LAX1: variants seen among roughly 807,000 people sequenced by gnomAD.
The protein encoded by LAX1 is lymphocyte transmembrane adapter 1.
LAX1 carries 17 observed loss-of-function variants against 20.7 expected under a neutral mutation model. The observed-to-expected ratio is 0.82, with a 90% CI of 0.56 to 1.23. The LOEUF is 1.23. Ranked by LOEUF, LAX1 falls within the 50% of genes most tolerant of loss-of-function variation. The pLI, the probability that LAX1 is intolerant of heterozygous loss-of-function variation, is 0.00. For missense variants in LAX1, 470 were observed against 487.0 expected (o/e 0.97, Z 0.33); for synonymous variants, 165 against 181.0 (o/e 0.91, Z 0.71).
chr1:203,767,605 G>A (rs532182878), intron 1 of LAX1, among the ~76,000 whole-genome samples: 14 of 152,036 alleles, frequency 9.2e-5, no homozygotes, highest in African/African-American at 2.2e-4. Context: ...ACCATGCCCC[G>A]CCTTGGTAGT....
chr1:203,767,867 T>C (rs779364126), intron 1 of LAX1, among the ~76,000 whole-genome samples: 2 of 152,092 alleles, frequency 1.3e-5, no homozygotes, highest in Non-Finnish European at 2.9e-5. Flanking sequence ...GGCTCATGCC[T>C]ATAATCCAAG....
At chr1:203,773,031 C>A (rs1274987149) in intron 4 of LAX1, among the ~76,000 whole-genome samples, 1 of 152,166 alleles carries the variant, frequency 6.6e-6, no homozygotes, top group Non-Finnish European at 1.5e-5. Context: ...AATGTTGCTC[C>A]TTTCAAAGTG....
chr1:203,769,396 A>AG (rs1667358154), intron 1 of LAX1, among the ~76,000 whole-genome samples: 4 of 129,820 alleles, frequency 3.1e-5, no homozygotes, highest in East Asian at 2.2e-4. Flanking sequence ...TGTCTCAAAA[A>AG]AAAAGAAAGA....
At chr1:203,767,950 C>A (rs758634051) in intron 1 of LAX1, among the ~76,000 whole-genome samples, 1 of 148,316 alleles carries the variant, frequency 6.7e-6, no homozygotes, top group Non-Finnish European at 1.5e-5. Flanking sequence ...CACATGGAGA[C>A]CCTGTCTCAA....
Position 203,773,900 on chromosome 1 carries a change from A to G in LAX1, c.416A>G (p.Gln139Arg), listed in dbSNP as rs767369698. The change falls in exon 5 of 5, where the codon CAG (glutamine) becomes CGG (arginine). Residue 139 changes from glutamine to arginine, a missense_variant. Physicochemically the swap from Gln to Arg is conservative, Grantham distance 43 (BLOSUM62 1). Transcript: ENST00000442561. ...CCCTCCCAAGCAGGCAATGCCTTCC[A>G]GGAGCATACAGCCCACATCCATGCC... Reference protein sequence around the residue: ...HVPSQAGNAFQEHTAHIHATE... With the variant: ...HVPSQAGNAFREHTAHIHATE... The G allele has an allele frequency of 3.7e-6, 6 of 1,612,540 alleles. No homozygotes were observed. The highest frequency in any genetic ancestry group is 3.3e-5 in the South Asian group (3 of 90,968).
chr1:203,771,432 G>A lies in LAX1; in HGVS notation c.265G>A (p.Ala89Thr). 1.9e-6 allele frequency: 3 copies of A among 1,613,880 alleles called. No homozygotes were observed. Among genetic ancestry groups the A allele is most frequent in the Non-Finnish European group, 1.7e-6 (2 of 1,179,780 alleles). ...GACTTTGCCACAAACCAGACAAAGAGCCAAAAATATTTATGACATCTTGCC... is the reference window on the plus strand; with the variant it reads ...GACTTTGCCACAAACCAGACAAAGAACCAAAAATATTTATGACATCTTGCC... The part of the protein sequence containing the change: ...LLTLPQTRQR[A>T]KNIYDILPWR... Residue 89 changes from alanine to threonine, a missense_variant, in exon 3 of 5, where the codon GCC becomes ACC. Transcript: ENST00000442561.
At position 203,770,818 on chromosome 1, in the gene LAX1, G is replaced by A; in HGVS notation, c.90-10G>A. ...TACAGCTAGCACATGTCATTCGATT[G>A]TTTTTCTAGAAATAAAGACCAGATC... On this transcript the variant is annotated splice_polypyrimidine_tract_variant and intron_variant, in intron 1 of 4. Coordinates refer to ENST00000442561, the MANE Select transcript of LAX1 (RefSeq NM_017773.4). 1 of 1,607,326 alleles carries A rather than the reference G, an allele frequency of 6.2e-7. No individual in the cohort carries two copies. Among genetic ancestry groups the A allele is most frequent in the Non-Finnish European group, 8.5e-7 (1 of 1,173,802 alleles).
chr1:203,771,653 G>A (rs1409891702), intron 3 of LAX1, among the ~76,000 whole-genome samples, 176 bp downstream of exon 3: 1 of 152,132 alleles, frequency 6.6e-6, no homozygotes, highest in Admixed American at 6.6e-5. Flanking sequence ...GGGGTCTGGA[G>A]GGCTCCAAAA....
Position 203,774,872 on chromosome 1 carries a change from A to C in LAX1, c.*191A>C. 1.7e-6 allele frequency: 1 copy of C among 590,824 alleles called. No individual in the cohort carries two copies. Among genetic ancestry groups the C allele is most frequent in the Non-Finnish European group, 3.0e-6 (1 of 335,662 alleles). 36.6% of individuals were successfully genotyped at this position (590,824 alleles called of 1,614,324 possible). ...CAGAGGTTTGGGAATTCCAGAAGGG[A>C]ATTCTTCTCAAGCAGAGTGTGGTTA... On this transcript the variant is annotated 3_prime_UTR_variant, in exon 5 of 5. Coordinates refer to ENST00000442561, the MANE Select transcript of LAX1 (RefSeq NM_017773.4).
At chr1:203,769,165 G>T (rs1338411759) in intron 1 of LAX1, among the ~76,000 whole-genome samples, 1 of 151,952 alleles carries the variant, frequency 6.6e-6, no homozygotes, top group African/African-American at 2.4e-5. Flanking sequence ...GAGGCAGGCG[G>T]ATCATTTGAT....
chr1:203,770,263 A>G (rs140020349), intron 1 of LAX1, among the ~76,000 whole-genome samples: 1 of 151,430 alleles, frequency 6.6e-6, no homozygotes, highest in African/African-American at 2.4e-5. Flanking sequence ...TAAAAATACA[A>G]AAATTAGCTG....
chr1:203,770,851 T>A lies in LAX1; in HGVS notation c.113T>A (p.Ile38Asn), dbSNP rs1310104932. The A allele has an allele frequency of 6.2e-7, 1 of 1,614,102 alleles. No individual in the cohort carries two copies. Among genetic ancestry groups the A allele is most frequent in the East Asian group, 2.2e-5 (1 of 44,878 alleles). Residue 38 changes from isoleucine to asparagine, a missense_variant, in exon 2 of 5, where the codon ATC becomes AAC. By Grantham distance (149) the Ile-to-Asn change is moderately radical. Transcript: ENST00000442561. ...LDRNKDQITNIFSGFAGLLAI... is the reference protein window; with the variant it reads ...LDRNKDQITNNFSGFAGLLAI... ...AGAAATAAAGACCAGATCACCAACA[T>A]CTTTTCCGGGTTTGCGGGACTCCTC...
At position 203,765,641 on chromosome 1, in the gene LAX1, C is replaced by T. The variant is rs555819774; in HGVS notation, c.76C>T (p.Arg26Cys). ...GTCCAGCACTCTGCATGTGACTCCC[C>T]GCAGCCTGGACAGGTGAGTGACTCA... The part of the protein sequence containing the change: ...LESSTLHVTP[R>C]SLDRNKDQIT... The change falls in exon 1 of 5, where the codon CGC (arginine) becomes TGC (cysteine). Residue 26 changes from arginine (R) to cysteine (C), a missense_variant. By Grantham distance (180) the Arg-to-Cys change is radical. Transcript: ENST00000442561. 22 of 1,614,066 alleles carry T rather than the reference C, an allele frequency of 1.4e-5. No individual in the cohort carries two copies. The highest frequency in any genetic ancestry group is 2.7e-5 in the African/African-American group (2 of 75,028).
chr1:203,765,561 A>G lies in LAX1; in HGVS notation c.-5A>G. ...CCAGAGAGCATCTCAAAGGTTCCTGATACAATGGATGGTGTCACTCCAACC... is the reference window on the plus strand; with the variant it reads ...CCAGAGAGCATCTCAAAGGTTCCTGGTACAATGGATGGTGTCACTCCAACC... On this transcript the variant is annotated 5_prime_UTR_variant, in exon 1 of 5. It removes the in-frame stop codon of an upstream open reading frame in the 5' UTR. Transcript: ENST00000442561. 6.2e-7 allele frequency: 1 copy of G among 1,614,150 alleles called. No individual in the cohort carries two copies. Among genetic ancestry groups the G allele is most frequent in the Non-Finnish European group, 8.5e-7 (1 of 1,180,024 alleles).
intron 3 of LAX1, among the ~76,000 whole-genome samples, chr1:203,771,679 A>G (rs1443833424): frequency 6.6e-6 from 1 of 152,176 alleles, no homozygotes; most frequent in Non-Finnish European, 1.5e-5. Flanking sequence ...GCAGAGGGTC[A>G]TCTGGGCTGG....
intron 1 of LAX1, among the ~76,000 whole-genome samples, chr1:203,768,130 A>G (rs1571802614): frequency 6.6e-6 from 1 of 152,042 alleles, no homozygotes; most frequent in Non-Finnish European, 1.5e-5. Flanking sequence ...GACGAATATG[A>G]TGAAACCCCA....
Position 203,770,487 on chromosome 1 carries a change from AAGGAAGGAAGGAAGGAAGG to A in LAX1, c.90-339_90-321del, listed in dbSNP as rs1558070775. ...GAAGGAAGGAAGGAAGGAAGGAAGG[AAGGAAGGAAGGAAGGAAGG>A]AAGGAAGAAAGAAAGAAAGAAAGAA... is the stretch of plus-strand genomic sequence containing the variant. On this transcript the variant is annotated intron_variant, in intron 1 of 4. Coordinates refer to ENST00000442561, the MANE Select transcript of LAX1 (RefSeq NM_017773.4). Among the ~76,000 whole-genome samples, 51 of 77,354 alleles carry A rather than the reference AAGGAAGGAAGGAAGGAAGG, an allele frequency of 6.6e-4. No individual in the cohort carries two copies. In the East Asian group the frequency reaches 0.022, roughly 33 times the overall value. 50.7% of individuals were successfully genotyped at this position (77,354 alleles called of 152,430 possible). A position where few individuals can be genotyped will look rare whatever the true frequency, so the allele number is the denominator to read the frequency against.
At chr1:203,772,038 A>G (rs1667430527) in intron 3 of LAX1, 30 bp from the exon 4 acceptor site, 4 of 1,556,200 alleles carry the variant, frequency 2.6e-6, no homozygotes, top group Middle Eastern at 1.7e-4. Flanking sequence ...AGGACTGGCT[A>G]TCTTCAGGAT....
intron 1 of LAX1, among the ~76,000 whole-genome samples, chr1:203,770,218 C>T (rs1471476593): frequency 6.6e-6 from 1 of 151,622 alleles, no homozygotes; most frequent in Non-Finnish European, 1.5e-5. Flanking sequence ...GAGATTGAGA[C>T]CATCCTGGCC....
Sources: gnomAD v4.1 joint callset for allele counts (sites outside exome capture counted in the v4.1 genomes callset) on GRCh38, gnomAD v4.1.1 for gene constraint, MANE v1.5 for transcripts, NCBI Gene and HGNC (gene_info 2026-07-23, HGNC 2026-07-21) for gene names.